Variants in ARL15 observed in about 807,000 individuals in gnomAD.
ARL15 encodes ADP-ribosylation factor-like protein 15.
Under a neutral mutation model 25.2 loss-of-function variants are expected in ARL15, and 19 were observed. That is an observed-to-expected ratio of 0.75 (90% confidence interval 0.53 to 1.10). The LOEUF is 1.10. ARL15 is among the 50% of genes least tolerant of loss of function. The probability of loss-of-function intolerance (pLI) is 0.00; values close to 1 mark genes in which losing one functional copy is unlikely to be tolerated. For synonymous variants in ARL15, 94 were observed against 86.8 expected, an observed-to-expected ratio of 1.08 and a Z score of -0.46; for missense variants, 220 against 246.0, an observed-to-expected ratio of 0.89 and a Z score of 0.71.
chr5:54,240,419 A>C (rs1756930215), intron 1 of ARL15, among the ~76,000 whole-genome samples: 1 of 152,168 alleles, frequency 6.6e-6, no homozygotes, highest in South Asian at 2.1e-4. Flanking sequence ...CAGAATTAAA[A>C]AGGATCAAAA....
At chr5:53,925,805 C>CT (rs1745999547) in intron 4 of ARL15, among the ~76,000 whole-genome samples, 1 of 151,834 alleles carries the variant, frequency 6.6e-6, no homozygotes, top group Admixed American at 6.6e-5. Flanking sequence ...AAGACCTTGT[C>CT]TTTAAAAAAA....
intron 1 of ARL15, among the ~76,000 whole-genome samples, chr5:54,274,609 A>G (rs1261169214): frequency 2.0e-5 from 3 of 152,180 alleles, no homozygotes; most frequent in Non-Finnish European, 4.4e-5. Context: ...TAAGAAAGAA[A>G]ACATTTAGGT....
intron 1 of ARL15, among the ~76,000 whole-genome samples, chr5:54,259,207 G>A (rs1757437308): frequency 6.6e-6 from 1 of 152,094 alleles, no homozygotes; most frequent in South Asian, 2.1e-4. Context: ...CATTTGAATA[G>A]GCAGGACTCA....
chr5:54,121,550 TG>T (rs1449487813), intron 3 of ARL15, among the ~76,000 whole-genome samples: 3 of 152,222 alleles, frequency 2.0e-5, no homozygotes, highest in Non-Finnish European at 4.4e-5. Context: ...TAAATAAATT[TG>T]GGCAGCTCTA....
chr5:53,966,303 T>C (rs1016184622), intron 4 of ARL15, among the ~76,000 whole-genome samples: 5 of 152,118 alleles, frequency 3.3e-5, no homozygotes, highest in African/African-American at 1.2e-4. Context: ...TCCCAGAAGG[T>C]TGTACCCCAG....
At chr5:54,051,086 G>C (rs1347906867) in intron 4 of ARL15, among the ~76,000 whole-genome samples, 1 of 152,144 alleles carries the variant, frequency 6.6e-6, no homozygotes, top group Non-Finnish European at 1.5e-5. Context: ...ATAAATATTT[G>C]CTTAATGATT....
At chr5:54,278,437 C>G (rs1441694643) in intron 1 of ARL15, among the ~76,000 whole-genome samples, 1 of 152,158 alleles carries the variant, frequency 6.6e-6, no homozygotes, top group Non-Finnish European at 1.5e-5. Flanking sequence ...ATGAATGTTG[C>G]TTAAGATCCA....
chr5:54,053,262 A>T (rs2111995922), intron 4 of ARL15, among the ~76,000 whole-genome samples: 1 of 152,186 alleles, frequency 6.6e-6, no homozygotes, highest in East Asian at 1.9e-4. Context: ...AAACAAACAA[A>T]AAACAAAGTA....
chr5:53,988,266 C>T (rs1748361603), intron 4 of ARL15, among the ~76,000 whole-genome samples: 1 of 150,632 alleles, frequency 6.6e-6, no homozygotes, highest in Non-Finnish European at 1.5e-5. Flanking sequence ...TGCCACTGCA[C>T]TCCAGCCTGG....
intron 4 of ARL15, among the ~76,000 whole-genome samples, chr5:54,098,636 T>G (rs553338880): frequency 2.0e-5 from 3 of 152,340 alleles, no homozygotes; most frequent in African/African-American, 7.2e-5. Context: ...CCCTCGTTTT[T>G]GTTAAAAACA....
At chr5:54,004,205 A>C (rs1442742649) in intron 4 of ARL15, among the ~76,000 whole-genome samples, 1 of 152,176 alleles carries the variant, frequency 6.6e-6, no homozygotes, top group Non-Finnish European at 1.5e-5. Flanking sequence ...AGGTAGTTAA[A>C]TATTCTCGGC....
chr5:53,985,126 G>T (rs1262398482), intron 4 of ARL15, among the ~76,000 whole-genome samples: 1 of 152,040 alleles, frequency 6.6e-6, no homozygotes, highest in Admixed American at 6.6e-5. Flanking sequence ...TGCAAATGTT[G>T]TACTCACAAT....
chr5:53,924,745 A>G (rs992063634), intron 4 of ARL15, among the ~76,000 whole-genome samples: 10 of 152,200 alleles, frequency 6.6e-5, no homozygotes, highest in Non-Finnish European at 1.5e-4. Context: ...AAGGGTGCAC[A>G]GGGACTTTGG....
intron 4 of ARL15, among the ~76,000 whole-genome samples, chr5:54,036,659 G>A (rs945777602): frequency 6.6e-6 from 1 of 152,136 alleles, no homozygotes; most frequent in Non-Finnish European, 1.5e-5. Flanking sequence ...TAATGTGGCA[G>A]ATGGATAAAA....
chr5:53,974,350 G>T (rs963132202), intron 4 of ARL15, among the ~76,000 whole-genome samples: 1 of 152,166 alleles, frequency 6.6e-6, no homozygotes, highest in Non-Finnish European at 1.5e-5. Context: ...GAGGTTACTA[G>T]GTGATTTGTT....
chr5:54,225,234 C>T (rs1424961506), intron 1 of ARL15, among the ~76,000 whole-genome samples: 7 of 152,050 alleles, frequency 4.6e-5, no homozygotes, highest in Non-Finnish European at 1.0e-4. Context: ...TAAAAAGAGA[C>T]TGAAAAGAAG....
intron 4 of ARL15, among the ~76,000 whole-genome samples, chr5:54,023,576 T>C (rs189921140): frequency 1.1e-4 from 17 of 152,054 alleles, no homozygotes; most frequent in Admixed American, 9.2e-4. Flanking sequence ...CATTATACCG[T>C]TGGGGCTCAG....
intron 4 of ARL15, among the ~76,000 whole-genome samples, chr5:54,053,513 G>A (rs973642117): frequency 4.6e-5 from 7 of 151,968 alleles, no homozygotes. Context: ...AAATAAAAAA[G>A]AGTGGCTCTA....
chr5:54,128,836 G>A (rs1308739589), intron 3 of ARL15, among the ~76,000 whole-genome samples: 1 of 151,140 alleles, frequency 6.6e-6, no homozygotes, highest in Non-Finnish European at 1.5e-5. Context: ...CTCCCGAGTA[G>A]CTGGGACTAC....
Sources: gnomAD v4.1 joint callset for allele counts (sites outside exome capture counted in the v4.1 genomes callset) on GRCh38, gnomAD v4.1.1 for gene constraint, MANE v1.5 for transcripts, NCBI Gene and HGNC (gene_info 2026-07-23, HGNC 2026-07-21) for gene names.